Variants in DOCK11 observed in about 807,000 individuals in gnomAD.
DOCK11 encodes dedicator of cytokinesis protein 11.
A neutral mutation model predicts 169.1 loss-of-function variants in DOCK11; 70 were observed. That is an observed-to-expected ratio of 0.41 (90% CI 0.34 to 0.51). The LOEUF (loss-of-function observed/expected upper bound fraction) is 0.51. DOCK11 is among the 20% of genes least tolerant of loss of function. The pLI is 0.10. For synonymous variants in DOCK11, 529 were observed against 541.3 expected, an observed-to-expected ratio of 0.98 and a Z score of 0.32; for missense variants, 1,166 against 1,538.8, an observed-to-expected ratio of 0.76 and a Z score of 4.05.
At chrX:118,639,353 TA>T (rs1187404757) in intron 37 of DOCK11, 81 bp from the exon 38 acceptor site, 1 of 1,061,342 alleles carries the variant, frequency 9.4e-7, no homozygotes, top group Non-Finnish European at 1.3e-6. Flanking sequence ...TGTGGAAACC[TA>T]ATTTTTTTTA....
At chrX:118,609,231 T>C (rs770752316) in intron 26 of DOCK11, 47 bp from the exon 27 acceptor site, 1 of 1,042,411 alleles carries the variant, frequency 9.6e-7, no homozygotes, top group Non-Finnish European at 1.3e-6. Context: ...TTTGCTAAGC[T>C]TCAGAGATTT....
chrX:118,513,654 G>T (rs1162146634), intron 1 of DOCK11, among the ~76,000 whole-genome samples: 2 of 112,429 alleles, frequency 1.8e-5, no homozygotes, highest in Admixed American at 1.9e-4. Flanking sequence ...TTATGTAATT[G>T]TAACCCCAGA....
At chrX:118,658,766 T>G (rs954366897) in intron 44 of DOCK11, among the ~76,000 whole-genome samples, 11 of 112,325 alleles carry the variant, frequency 9.8e-5, no homozygotes, top group Admixed American at 9.4e-4. Flanking sequence ...TATTTTTATT[T>G]TGTTTGAGAA....
At chrX:118,647,651 T>G (rs1349390993) in intron 40 of DOCK11, among the ~76,000 whole-genome samples, 4 of 58,572 alleles carry the variant, frequency 6.8e-5, no homozygotes, top group Non-Finnish European at 1.1e-4. Context: ...ATTATATGTT[T>G]ATATATTATA....
At chrX:118,626,146 A>G (rs1250039074) in intron 32 of DOCK11, among the ~76,000 whole-genome samples, 1 of 107,952 alleles carries the variant, frequency 9.3e-6, no homozygotes, top group Non-Finnish European at 1.9e-5. Context: ...GCTCACTGCA[A>G]TCTCTGCCTC....
At chrX:118,565,462 T>A (rs2013051096) in intron 7 of DOCK11, among the ~76,000 whole-genome samples, 1 of 112,153 alleles carries the variant, frequency 8.9e-6, no homozygotes, top group African/African-American at 3.2e-5. Flanking sequence ...GTCGCCCTAT[T>A]GTGCTGCCAA....
chrX:118,516,254 G>A (rs1257717464), intron 1 of DOCK11, among the ~76,000 whole-genome samples: 1 of 101,919 alleles, frequency 9.8e-6, no homozygotes, highest in Admixed American at 1.1e-4. Flanking sequence ...CACCATGCCC[G>A]GCTAATTTTG....
At chrX:118,576,549 G>C (rs767650073) in intron 12 of DOCK11, among the ~76,000 whole-genome samples, 14 of 111,811 alleles carry the variant, frequency 1.3e-4, no homozygotes, top group Non-Finnish European at 2.4e-4. Flanking sequence ...AAGTGGAGGT[G>C]GTGACAGTAC....
intron 10 of DOCK11, among the ~76,000 whole-genome samples, chrX:118,571,601 C>A (rs766806779): frequency 6.3e-5 from 7 of 111,604 alleles, no homozygotes; most frequent in Non-Finnish European, 1.3e-4. Context: ...ATTCCCTCCT[C>A]GGTCTACATA....
At chrX:118,652,603 A>G (rs1311292798) in intron 42 of DOCK11, among the ~76,000 whole-genome samples, 1 of 111,797 alleles carries the variant, frequency 8.9e-6, no homozygotes, top group Non-Finnish European at 1.9e-5. Context: ...CTTAAGCACC[A>G]TTTTGCTGAG....
chrX:118,537,950 G>A (rs1434123408), intron 1 of DOCK11, among the ~76,000 whole-genome samples: 1 of 112,002 alleles, frequency 8.9e-6, no homozygotes, highest in Non-Finnish European at 1.9e-5. Flanking sequence ...AAAGCTCATT[G>A]AGATTTGGTC....
intron 5 of DOCK11, 139 bp downstream of exon 5, chrX:118,545,531 C>A: frequency 2.1e-6 from 1 of 479,073 alleles, no homozygotes; most frequent in Non-Finnish European, 3.2e-6. Context: ...AGCTTTCAAA[C>A]CGGGTGCTTT....
intron 14 of DOCK11, among the ~76,000 whole-genome samples, chrX:118,580,517 A>G (rs1251605032): frequency 9.0e-6 from 1 of 111,522 alleles, no homozygotes; most frequent in Non-Finnish European, 1.9e-5. Flanking sequence ...GGGTTTCACC[A>G]TGTTAGTCAG....
Position 118,676,737 on chromosome X carries a change from G to A in DOCK11, c.5460G>A (p.Lys1820=). The part of the protein sequence containing the change: ...ENVKIIQDSD[K]VNAKELDPKY... ...TCAAAATAATTCAGGATTCAGACAA[G>A]GTAACACATACCCTACATGTTGAAA... The change falls in exon 48 of 53, where the codon AAG becomes AAA. Residue 1820 remains lysine, a splice_region_variant and synonymous_variant. Coordinates refer to ENST00000276202, the MANE Select transcript of DOCK11 (RefSeq NM_144658.4). The A allele has an allele frequency of 8.4e-7, 1 of 1,193,934 alleles. No individual in the cohort carries two copies. The highest frequency in any genetic ancestry group is 1.1e-6 in the Non-Finnish European group (1 of 884,534).
At chrX:118,672,303 T>C in intron 46 of DOCK11, among the ~76,000 whole-genome samples, 1 of 112,968 alleles carries the variant, frequency 8.9e-6, no homozygotes, top group Middle Eastern at 4.6e-3. Context: ...CTAAACAGGA[T>C]TTTTTAAATA....
chrX:118,586,977 T>G (rs756585195), intron 16 of DOCK11, among the ~76,000 whole-genome samples: 1 of 112,570 alleles, frequency 8.9e-6, no homozygotes. Flanking sequence ...ATCCACTTTA[T>G]ATTTTAAAAC....
At position 118,509,560 on chromosome X, in the gene DOCK11, G is replaced by A. The variant is rs759221223; in HGVS notation, c.102+13487G>A. Among the ~76,000 whole-genome samples, 4 of 112,152 alleles carry A rather than the reference G, an allele frequency of 3.6e-5. No homozygotes were observed. The South Asian group carries it at 1.5e-3, about 41-fold the overall frequency. ...ATTATAGGCGTGAGCCACTGCACCT[G>A]GCCTGGAGGGGTGAGTTTCTGCTTA... is the stretch of plus-strand genomic sequence containing the variant. On this transcript the variant is annotated intron_variant, in intron 1 of 52. Coordinates refer to ENST00000276202, the MANE Select transcript of DOCK11 (RefSeq NM_144658.4).
At chrX:118,552,389 G>A (rs1246247016) in intron 6 of DOCK11, among the ~76,000 whole-genome samples, 2 of 111,918 alleles carry the variant, frequency 1.8e-5, no homozygotes, top group Non-Finnish European at 3.8e-5. Context: ...GTAGGGAAAA[G>A]AGGGGCTAGT....
At chrX:118,681,345 C>A in intron 50 of DOCK11, 97 bp downstream of exon 50, 1 of 847,171 alleles carries the variant, frequency 1.2e-6, no homozygotes. Flanking sequence ...ATGTGTTGGG[C>A]ACTTACTGAG....
Sources: allele counts gnomAD v4.1 joint callset (sites outside exome capture counted in the v4.1 genomes callset), GRCh38; gene constraint gnomAD v4.1.1; transcripts MANE v1.5; gene names NCBI Gene and HGNC (gene_info 2026-07-23, HGNC 2026-07-21).